Variants in PRKCE observed in about 807,000 individuals in gnomAD.
PRKCE encodes protein kinase C epsilon.
A neutral mutation model predicts 85.4 loss-of-function variants in PRKCE; 16 were observed. That is an observed-to-expected ratio of 0.19 (90% CI 0.13 to 0.28). The LOEUF (loss-of-function observed/expected upper bound fraction) is 0.28, where lower values mean the gene tolerates loss of function less well. PRKCE is among the 10% of genes least tolerant of loss of function. The pLI is 1.00. For missense variants in PRKCE, 573 were observed against 975.2 expected (o/e 0.59, Z 5.49); for synonymous variants, 388 against 371.5 (o/e 1.04, Z -0.51).
In PRKCE at chr2:46,001,354, CA is replaced by C. The variant is rs1452334472; in HGVS notation, c.824-49del. 22 of 1,522,010 alleles carry C rather than the reference CA, an allele frequency of 1.4e-5. No homozygotes were observed. The highest frequency in any genetic ancestry group is 1.9e-5 in the Non-Finnish European group (22 of 1,132,102). The allele number at this position is 1,522,010 out of a possible 1,614,324, so 94.3% of individuals were successfully genotyped here. On this transcript the variant is annotated intron_variant, in intron 6 of 14. Transcript: ENST00000306156. The surrounding 1 kb of genome is among the most constrained non-coding windows in gnomAD (Gnocchi z 4.4). ...ATACAATCTCAAAGAAAAGAAGCAACATCTTAGGCCATGAACACTTATCTGT... is the reference window on the plus strand; with the variant it reads ...ATACAATCTCAAAGAAAAGAAGCAACTCTTAGGCCATGAACACTTATCTGT...
chr2:46,113,467 T>G (rs1672461747), intron 11 of PRKCE, among the ~76,000 whole-genome samples: 2 of 152,250 alleles, frequency 1.3e-5, no homozygotes, highest in African/African-American at 4.8e-5. Context: ...ATTATTATTG[T>G]CATCAGTTGT....
In PRKCE at chr2:45,843,057, G is replaced by T. The variant is rs181734185; in HGVS notation, c.406G>T (p.Gly136Cys). The change falls in exon 2 of 15, where the codon GGT (glycine) becomes TGT (cysteine). Residue 136 changes from glycine (G) to cysteine (C), a missense_variant. Around this residue, in one of 11 missense-constraint regions of PRKCE, gnomAD observed 33 missense variants for 33.7 expected, o/e 0.98. Coordinates refer to ENST00000306156, the MANE Select transcript of PRKCE (RefSeq NM_005400.3). ...GATCATCGATCTCTCAGGGTCGTCG[G>T]GTGAAGGTAGGAGAGCGTGACTTCT... The part of the protein sequence containing the change: ...YVIIDLSGSS[G>C]EAPKDNEERV... 24 of 1,614,076 alleles carry T rather than the reference G, an allele frequency of 1.5e-5. No homozygotes were observed.
intron 2 of PRKCE, among the ~76,000 whole-genome samples, chr2:45,871,211 T>C (rs1694062965): frequency 6.6e-6 from 1 of 152,190 alleles, no homozygotes; most frequent in Non-Finnish European, 1.5e-5. Flanking sequence ...GGTCTGTTAG[T>C]CCCACCCTGT....
intron 1 of PRKCE, among the ~76,000 whole-genome samples, chr2:45,719,807 C>T (rs954583311): frequency 6.6e-6 from 1 of 152,156 alleles, no homozygotes; most frequent in Non-Finnish European, 1.5e-5. Context: ...TGCCTGTAAT[C>T]CTAGCACTTT....
chr2:45,908,736 G>T (rs1697167197), intron 2 of PRKCE, among the ~76,000 whole-genome samples: 1 of 152,136 alleles, frequency 6.6e-6, no homozygotes, highest in African/African-American at 2.4e-5. Flanking sequence ...ACTGGAAGAG[G>T]CCGATAAGGT....
rs17799771 is a variant in PRKCE, at chr2:46,130,877, C to T, written c.1593-14216C>T. ...TGCCAAATGTGGGTCTGCTGTACTT[C>T]GTGTGCGCACCCTTGTGCCATCAGG... On this transcript the variant is annotated intron_variant, in intron 11 of 14. Transcript: ENST00000306156. 8.8e-3 allele frequency among the ~76,000 whole-genome samples: 1,336 copies of T among 152,328 alleles called. 10 individuals carry two copies. The highest frequency in any genetic ancestry group is 0.011 in the Non-Finnish European group (723 of 68,034).
chr2:45,996,698 AT>A (rs1476580249), intron 6 of PRKCE, among the ~76,000 whole-genome samples: 5 of 152,104 alleles, frequency 3.3e-5, no homozygotes, highest in African/African-American at 1.2e-4. Flanking sequence ...CTACTTGGTC[AT>A]GGTGTGTAAT....
intron 6 of PRKCE, among the ~76,000 whole-genome samples, chr2:45,990,053 T>C (rs1375639165): frequency 1.3e-5 from 2 of 152,178 alleles, no homozygotes; most frequent in African/African-American, 4.8e-5. Context: ...CCCCAGGACA[T>C]AGTGGTGTAA....
At chr2:45,930,052 T>C (rs968993123) in intron 2 of PRKCE, among the ~76,000 whole-genome samples, 9 of 152,206 alleles carry the variant, frequency 5.9e-5, no homozygotes, top group Non-Finnish European at 1.0e-4. Context: ...TTGAAAAATA[T>C]AGTGTGAGAA....
chr2:45,789,060 C>T (rs535731507), intron 1 of PRKCE, among the ~76,000 whole-genome samples: 4 of 152,204 alleles, frequency 2.6e-5, no homozygotes, highest in African/African-American at 7.2e-5. Context: ...CCCACTTAGA[C>T]CCTCGCAAAA....
rs141635705 is a variant in PRKCE, at chr2:45,916,267, T to C, written c.413-60162T>C. On this transcript the variant is annotated intron_variant, in intron 2 of 14. Transcript: ENST00000306156. The stretch of plus-strand genomic sequence containing the variant: ...TTTTTTTTTTTTTTTTTAGACAGGG[T>C]CTAGATCTATCATGCAGGCTGGAGT... 3.9e-3 allele frequency among the ~76,000 whole-genome samples: 589 copies of C among 149,952 alleles called. 5 individuals carry two copies. The highest frequency in any genetic ancestry group is 0.014 in the African/African-American group (563 of 40,450).
At chr2:45,808,329 G>C (rs1399829157) in intron 1 of PRKCE, among the ~76,000 whole-genome samples, 1 of 152,174 alleles carries the variant, frequency 6.6e-6, no homozygotes, top group East Asian at 1.9e-4. Flanking sequence ...TTGGAGGTTG[G>C]AGAAAAAGAA....
At chr2:45,856,908 A>G (rs920225949) in intron 2 of PRKCE, among the ~76,000 whole-genome samples, 8 of 152,242 alleles carry the variant, frequency 5.3e-5, no homozygotes, top group Non-Finnish European at 1.2e-4. Flanking sequence ...GCTGAATAAT[A>G]TTCCATTGTG....
At chr2:45,710,188 G>C (rs1335564386) in intron 1 of PRKCE, among the ~76,000 whole-genome samples, 1 of 152,198 alleles carries the variant, frequency 6.6e-6, no homozygotes, top group Non-Finnish European at 1.5e-5. Context: ...CTTAACCCCT[G>C]TAACAACCTG....
At chr2:45,940,360 A>T (rs2595193) in intron 2 of PRKCE, among the ~76,000 whole-genome samples, 2 of 152,092 alleles carry the variant, frequency 1.3e-5, no homozygotes, top group African/African-American at 4.8e-5. Context: ...ATCTGTATTC[A>T]TTTTCTTACC....
chr2:45,657,859 G>A (rs568374165), intron 1 of PRKCE, among the ~76,000 whole-genome samples: 1 of 152,162 alleles, frequency 6.6e-6, no homozygotes, highest in Non-Finnish European at 1.5e-5. Flanking sequence ...AGAATCACTT[G>A]GGGGAGATTC....
intron 2 of PRKCE, among the ~76,000 whole-genome samples, chr2:45,856,548 G>A (rs551873397): frequency 1.9e-4 from 29 of 152,232 alleles, no homozygotes; most frequent in African/African-American, 7.0e-4. Context: ...ATTTCTTCCT[G>A]TTAATAGCAT....
intron 2 of PRKCE, among the ~76,000 whole-genome samples, chr2:45,947,268 A>G (rs532448600): frequency 4.1e-4 from 63 of 152,350 alleles, no homozygotes; most frequent in African/African-American, 1.4e-3. Flanking sequence ...AAATAGGAAC[A>G]TCCATAGAGA....
At chr2:46,066,045 C>T (rs2103674320) in intron 10 of PRKCE, among the ~76,000 whole-genome samples, 1 of 152,330 alleles carries the variant, frequency 6.6e-6, no homozygotes, top group Non-Finnish European at 1.5e-5. Context: ...TTCCAAAAAG[C>T]TGGATGCTGA....
Sources: allele counts gnomAD v4.1 joint callset (sites outside exome capture counted in the v4.1 genomes callset), GRCh38; gene constraint gnomAD v4.1.1; regional missense constraint gnomAD v4.1.1; non-coding constraint Gnocchi (gnomAD v3.1); transcripts MANE v1.5; gene names NCBI Gene and HGNC (gene_info 2026-07-23, HGNC 2026-07-21).